Variants in MUS81 observed in about 807,000 individuals in gnomAD.
The protein encoded by MUS81 is structure-specific endonuclease subunit MUS81.
Under a neutral mutation model 74.2 loss-of-function variants are expected in MUS81, and 69 were observed. The ratio of observed to expected loss-of-function variants is 0.93; its 90% CI spans 0.77 to 1.14. The LOEUF is 1.14. Among genes scored for constraint, MUS81 ranks in the 50% most tolerant of loss-of-function variants. The probability of loss-of-function intolerance (pLI) is 0.00; values close to 1 mark genes in which losing one functional copy is unlikely to be tolerated. For missense variants in MUS81, 711 were observed against 726.5 expected, an observed-to-expected ratio of 0.98 and a Z score of 0.25; for synonymous variants, 303 against 300.6, an observed-to-expected ratio of 1.01 and a Z score of -0.08.
At position 65,866,166 on chromosome 11, in the gene MUS81, T is replaced by A. The variant is rs1397056695; in HGVS notation, c.*114T>A. 9.6e-7 allele frequency: 1 copy of A among 1,044,956 alleles called. No individual in the cohort carries two copies. Among genetic ancestry groups the A allele is most frequent in the Non-Finnish European group, 1.4e-6 (1 of 721,842 alleles). 64.7% of individuals were successfully genotyped at this position (1,044,956 alleles called of 1,614,324 possible). On this transcript the variant is annotated 3_prime_UTR_variant, in exon 16 of 16. Transcript: ENST00000308110. ...GAATCTAAGTGTTTGCAGCCATATG[T>A]GTCATGTAGAAGATGCCTAGCCCTG...
chr11:65,867,062 G>A (rs2234473), downstream of MUS81: 3,848 of 1,614,094 alleles, frequency 2.4e-3, 8 homozygotes, highest in Non-Finnish European at 2.6e-3. Context: ...CCAGCATGGC[G>A]CTGACGTTGT....
At position 65,865,549 on chromosome 11, in the gene MUS81, T is replaced by G. The variant is rs557030429; in HGVS notation, c.1505+226T>G. The G allele has an allele frequency of 8.0e-6, 5 of 624,094 alleles. No homozygotes were observed. The East Asian group carries it at 1.4e-4, about 17-fold the overall frequency. 38.7% of individuals were successfully genotyped at this position (624,094 alleles called of 1,614,324 possible). A position where few individuals can be genotyped will look rare whatever the true frequency, so the allele number is the denominator to read the frequency against. ...GGAGGGAGGGAGACGTCCCACCTGG[T>G]GGAGAAGAGGCTTCCTGGAGAAGGG... On this transcript the variant is annotated intron_variant, in intron 14 of 15. Coordinates refer to ENST00000308110, the MANE Select transcript of MUS81 (RefSeq NM_025128.5).
rs761059610 is a variant in MUS81, at chr11:65,861,975, C to G, written c.380C>G (p.Ser127Cys). 6.2e-7 allele frequency: 1 copy of G among 1,611,454 alleles called. No homozygotes were observed. Among genetic ancestry groups the G allele is most frequent in the Non-Finnish European group, 8.5e-7 (1 of 1,179,142 alleles). Reference protein sequence around the residue: ...PVPAQPKAGGSGSYWPARHSG... With the variant: ...PVPAQPKAGGCGSYWPARHSG... ...CCTGCCCAGCCCAAAGCGGGAGGCT[C>G]TGGCAGCTACTGGCCAGCTCGGCAC... The change falls in exon 4 of 16, where the codon TCT becomes TGT. Residue 127 changes from serine (S) to cysteine (C), a missense_variant. By Grantham distance (112) the Ser-to-Cys change is moderately radical. Coordinates refer to ENST00000308110, the MANE Select transcript of MUS81 (RefSeq NM_025128.5).
Position 65,863,149 on chromosome 11 carries a change from G to T in MUS81, c.690G>T (p.Gly230=). The T allele has an allele frequency of 1.2e-6, 2 of 1,614,094 alleles. No homozygotes were observed. Among genetic ancestry groups the T allele is most frequent in the Non-Finnish European group, 1.7e-6 (2 of 1,180,000 alleles). The part of the protein sequence containing the change: ...EGLSLLNVGI[G]PKEPPGEETA... ...TGAGCTTGCTGAATGTGGGCATCGG[G>T]CCCAAGGAGCCCCCTGGGGAGGAGA... is the stretch of plus-strand genomic sequence containing the variant. The change falls in exon 7 of 16, where the codon GGG becomes GGT. Residue 230 remains glycine (G), a synonymous_variant. Coordinates refer to ENST00000308110, the MANE Select transcript of MUS81 (RefSeq NM_025128.5).
chr11:65,866,112 T>G lies in MUS81; in HGVS notation c.*60T>G, dbSNP rs553046973. ...GTCCCCCAACCCAGGCTAGCCAGCC[T>G]TTTAACAACATCTTTTGGGGTACAA... On this transcript the variant is annotated 3_prime_UTR_variant, in exon 16 of 16. Coordinates refer to ENST00000308110, the MANE Select transcript of MUS81 (RefSeq NM_025128.5). The G allele has an allele frequency of 1.3e-6, 2 of 1,491,362 alleles. No individual in the cohort carries two copies. Among genetic ancestry groups the G allele is most frequent in the East Asian group, 4.5e-5 (2 of 44,120 alleles). The allele number at this position is 1,491,362 out of a possible 1,614,324, so 92.4% of individuals were successfully genotyped here.
At chr11:65,860,202 G>A (rs1010085606), upstream of MUS81, 1 of 453,612 alleles carries the variant, frequency 2.2e-6, no homozygotes, top group Non-Finnish European at 4.4e-6. Flanking sequence ...CCACCAATAC[G>A]TTTGCACCCG....
At position 65,866,093 on chromosome 11, in the gene MUS81, C is replaced by G; in HGVS notation, c.*41C>G. ...CAGCCCCCAGCCCCCGTCTGTCCCC[C>G]AACCCAGGCTAGCCAGCCTTTTAAC... On this transcript the variant is annotated 3_prime_UTR_variant, in exon 16 of 16. Coordinates refer to ENST00000308110, the MANE Select transcript of MUS81 (RefSeq NM_025128.5). The G allele has an allele frequency of 1.3e-6, 2 of 1,582,556 alleles. No homozygotes were observed. Among genetic ancestry groups the G allele is most frequent in the Non-Finnish European group, 1.7e-6 (2 of 1,160,754 alleles).
chr11:65,867,513 G>A, downstream of MUS81: 1 of 441,132 alleles, frequency 2.3e-6, no homozygotes, highest in Non-Finnish European at 4.2e-6. Context: ...CTCACTGTGA[G>A]CCGCCCCTGG....
At position 65,862,631 on chromosome 11, in the gene MUS81, G is replaced by A. The variant is rs1859653254; in HGVS notation, c.605+102G>A. 5 of 1,117,972 alleles carry A rather than the reference G, an allele frequency of 4.5e-6. No individual in the cohort carries two copies. The African/African-American group carries it at 4.5e-5, about 10-fold the overall frequency. The allele number at this position is 1,117,972 out of a possible 1,614,324, so 69.3% of individuals were successfully genotyped here. A position where few individuals can be genotyped will look rare whatever the true frequency, so the allele number is the denominator to read the frequency against. ...CAGAGCTGATGCTGTTGAGATTGGGGGGGGTGGGCCTTTCCTCAGGAGCCC... is the reference window on the plus strand; with the variant it reads ...CAGAGCTGATGCTGTTGAGATTGGGAGGGGTGGGCCTTTCCTCAGGAGCCC... On this transcript the variant is annotated intron_variant, in intron 6 of 15. Coordinates refer to ENST00000308110, the MANE Select transcript of MUS81 (RefSeq NM_025128.5).
chr11:65,864,091 A>G, intron 10 of MUS81, 190 bp downstream of exon 10: 5 of 627,544 alleles, frequency 8.0e-6, no homozygotes, highest in Non-Finnish European at 8.4e-6. Flanking sequence ...GAAGCCAGGT[A>G]CCTGCATTCT....
At position 65,864,999 on chromosome 11, in the gene MUS81, AG is replaced by A. The variant is rs1297082663; in HGVS notation, c.1273-17del. The A allele has an allele frequency of 6.2e-7, 1 of 1,612,442 alleles. No homozygotes were observed. The stretch of plus-strand genomic sequence containing the variant: ...TTCCTTCGAGCTCCAGCCTGGCCTC[AG>A]TCCCTTCTTCCCTCAGGGCCACACC... On this transcript the variant is annotated splice_polypyrimidine_tract_variant and intron_variant, in intron 12 of 15. Transcript: ENST00000308110.
At chr11:65,864,171 C>A (rs116908055) in intron 10 of MUS81, 1 of 588,008 alleles carries the variant, frequency 1.7e-6, no homozygotes, top group East Asian at 2.9e-5. Flanking sequence ...ATAAACAAGG[C>A]ATAAACCTCC....
downstream of MUS81, chr11:65,866,670 G>C: frequency 1.4e-6 from 1 of 704,546 alleles, no homozygotes; most frequent in Non-Finnish European, 2.6e-6. Flanking sequence ...ACTGAAGCTC[G>C]TGGTGCAGAG....
downstream of MUS81, chr11:65,867,653 A>G: frequency 1.6e-6 from 1 of 629,580 alleles, no homozygotes. Flanking sequence ...CAGGACTCAA[A>G]CTCCCGTGTC....
upstream of MUS81, chr11:65,860,264 T>A (rs973114129): frequency 2.4e-5 from 11 of 456,754 alleles, no homozygotes; most frequent in Non-Finnish European, 4.4e-5. Context: ...CCAGTCTCCA[T>A]CTCCAGCCTC....
downstream of MUS81, chr11:65,867,516 G>A (rs1041591366): frequency 2.3e-5 from 10 of 442,294 alleles, no homozygotes; most frequent in South Asian, 1.3e-4. Context: ...ACTGTGAGCC[G>A]CCCCTGGCCC....
At position 65,861,447 on chromosome 11, in the gene MUS81, G is replaced by A. The variant is rs1859601822; in HGVS notation, c.351+12G>A. 5 of 1,588,308 alleles carry A rather than the reference G, an allele frequency of 3.1e-6. No individual in the cohort carries two copies. The Admixed American group carries it at 5.2e-5, about 17-fold the overall frequency. On this transcript the variant is annotated intron_variant, in intron 3 of 15. Coordinates refer to ENST00000308110, the MANE Select transcript of MUS81 (RefSeq NM_025128.5). ...ACTCTTCCATGCCAGTGAGGAAGGGGCAAGGGGAGTGGAAGGCAAAGTGGG... is the reference window on the plus strand; with the variant it reads ...ACTCTTCCATGCCAGTGAGGAAGGGACAAGGGGAGTGGAAGGCAAAGTGGG...
Position 65,866,095 on chromosome 11 carries a change from A to G in MUS81, c.*43A>G, listed in dbSNP as rs752649377. The G allele has an allele frequency of 2.5e-6, 4 of 1,573,700 alleles. No individual in the cohort carries two copies. Among genetic ancestry groups the G allele is most frequent in the Non-Finnish European group, 3.5e-6 (4 of 1,155,272 alleles). On this transcript the variant is annotated 3_prime_UTR_variant, in exon 16 of 16. Transcript: ENST00000308110. ...GCCCCCAGCCCCCGTCTGTCCCCCA[A>G]CCCAGGCTAGCCAGCCTTTTAACAA...
chr11:65,861,438 G>A lies in MUS81; in HGVS notation c.351+3G>A, dbSNP rs764480745. The A allele has an allele frequency of 3.1e-6, 5 of 1,595,506 alleles. No homozygotes were observed. In the African/African-American group the frequency reaches 5.4e-5, roughly 17 times the overall value. On this transcript the variant is annotated splice_donor_region_variant and intron_variant, in intron 3 of 15. Transcript: ENST00000308110. ...AAGTCCAGGACTCTTCCATGCCAGT[G>A]AGGAAGGGGCAAGGGGAGTGGAAGG...
Sources: allele counts gnomAD v4.1 joint callset, GRCh38; gene constraint gnomAD v4.1.1; transcripts MANE v1.5; gene names NCBI Gene and HGNC (gene_info 2026-07-23, HGNC 2026-07-21).